The following FAM227B variants were observed in gnomAD, a reference collection of about 807,000 sequenced individuals.
FAM227B encodes the protein protein FAM227B.
FAM227B carries 88 observed loss-of-function variants against 73.8 expected under a neutral mutation model. That is an observed-to-expected ratio of 1.19 (90% CI 1.00 to 1.42). FAM227B has a LOEUF of 1.42. FAM227B is among the 40% of genes most tolerant of loss of function. FAM227B has a pLI of 0.00. For missense variants in FAM227B, 632 were observed against 590.9 expected (o/e 1.07, Z -0.72); for synonymous variants, 210 against 190.5 (o/e 1.10, Z -0.84).
intron 2 of FAM227B, 69 bp from the exon 3 acceptor site, chr15:49,611,337 ATTTAC>A: frequency 1.3e-6 from 1 of 775,990 alleles, no homozygotes; most frequent in Non-Finnish European, 2.1e-6. Context: ...TTTACAAATA[ATTTAC>A]TTAAATAAAA....
intron 11 of FAM227B, among the ~76,000 whole-genome samples, chr15:49,394,022 C>T (rs954801006): frequency 1.3e-5 from 2 of 152,016 alleles, no homozygotes; most frequent in Non-Finnish European, 2.9e-5. Flanking sequence ...AAAATGCATC[C>T]CTTTTTTGGA....
intron 11 of FAM227B, among the ~76,000 whole-genome samples, chr15:49,414,754 G>T (rs1308562653): frequency 6.6e-6 from 1 of 152,028 alleles, no homozygotes; most frequent in South Asian, 2.1e-4. Flanking sequence ...AGGTGTAGAA[G>T]AAGTTGTGGT....
At chr15:49,400,320 A>C in intron 11 of FAM227B, among the ~76,000 whole-genome samples, 5 of 105,602 alleles carry the variant, frequency 4.7e-5, no homozygotes, top group African/African-American at 2.0e-4. Context: ...TTCAAGGAGA[A>C]CTACAAACCA....
At chr15:49,449,364 GTA>G (rs1491519630) in intron 11 of FAM227B, among the ~76,000 whole-genome samples, 12 of 151,922 alleles carry the variant, frequency 7.9e-5, no homozygotes. Flanking sequence ...AGTGATTTTA[GTA>G]TATAAAGACA....
chr15:49,590,670 G>C (rs888237332), intron 3 of FAM227B, among the ~76,000 whole-genome samples: 27 of 152,024 alleles, frequency 1.8e-4, no homozygotes. Context: ...ACCTCACAGA[G>C]TTTATGTGTT....
intron 11 of FAM227B, among the ~76,000 whole-genome samples, chr15:49,397,165 G>A (rs2047739367): frequency 6.6e-6 from 1 of 152,160 alleles, no homozygotes; most frequent in Non-Finnish European, 1.5e-5. Flanking sequence ...AGCTGATGGA[G>A]CTGAACACCA....
chr15:49,470,561 T>G (rs1233294599), intron 11 of FAM227B, among the ~76,000 whole-genome samples: 1 of 152,196 alleles, frequency 6.6e-6, no homozygotes, highest in Non-Finnish European at 1.5e-5. Flanking sequence ...CCCCTTAACT[T>G]TTATGATACC....
intron 13 of FAM227B, among the ~76,000 whole-genome samples, chr15:49,362,765 A>G (rs1290576960): frequency 1.3e-5 from 2 of 151,922 alleles, no homozygotes; most frequent in East Asian, 1.9e-4. Context: ...TAGGTCTTAC[A>G]CTTAAGTCTT....
chr15:49,346,297 C>T (rs778025052), intron 13 of FAM227B, among the ~76,000 whole-genome samples: 2 of 152,188 alleles, frequency 1.3e-5, no homozygotes, highest in Non-Finnish European at 2.9e-5. Context: ...ACTCTACCCT[C>T]AGGTTGTGCT....
chr15:49,545,625 T>C (rs1373468485), intron 9 of FAM227B, among the ~76,000 whole-genome samples: 1 of 152,186 alleles, frequency 6.6e-6, no homozygotes, highest in Non-Finnish European at 1.5e-5. Context: ...ATATAGACAT[T>C]TAATGCTATG....
intron 10 of FAM227B, among the ~76,000 whole-genome samples, chr15:49,518,857 A>C (rs2059576282): frequency 6.6e-6 from 1 of 152,186 alleles, no homozygotes; most frequent in African/African-American, 2.4e-5. Context: ...CCCTTGCAAC[A>C]GTCCCCCAAA....
intron 1 of FAM227B, among the ~76,000 whole-genome samples, chr15:49,616,041 T>C (rs573500184): frequency 1.7e-4 from 26 of 152,314 alleles, no homozygotes; most frequent in African/African-American, 6.0e-4. Context: ...CTTAAATGTT[T>C]GGTGGACACT....
chr15:49,333,457 A>G (rs991472229), intron 14 of FAM227B, among the ~76,000 whole-genome samples: 1 of 152,202 alleles, frequency 6.6e-6, no homozygotes, highest in African/African-American at 2.4e-5. Context: ...ATTCTTCTGC[A>G]TATTCTCAGT....
At chr15:49,346,934 A>G (rs1257657722) in intron 13 of FAM227B, among the ~76,000 whole-genome samples, 1 of 152,186 alleles carries the variant, frequency 6.6e-6, no homozygotes, top group Non-Finnish European at 1.5e-5. Flanking sequence ...AAATATTTTA[A>G]TGTTAGATTT....
At chr15:49,430,210 G>A (rs1468093637) in intron 11 of FAM227B, among the ~76,000 whole-genome samples, 2 of 151,930 alleles carry the variant, frequency 1.3e-5, no homozygotes, top group Non-Finnish European at 2.9e-5. Context: ...TGGTGAATGA[G>A]TTAGCTGCAG....
At chr15:49,515,393 A>G (rs2059309415) in intron 10 of FAM227B, among the ~76,000 whole-genome samples, 1 of 152,144 alleles carries the variant, frequency 6.6e-6, no homozygotes, top group Non-Finnish European at 1.5e-5. Context: ...AGCCTTTCAC[A>G]TATTAATTAT....
At chr15:49,539,735 A>G (rs953262020) in intron 10 of FAM227B, among the ~76,000 whole-genome samples, 1 of 152,186 alleles carries the variant, frequency 6.6e-6, no homozygotes, top group African/African-American at 2.4e-5. Context: ...CTGTTGCTCT[A>G]GAGTCCACAA....
At chr15:49,426,709 T>C (rs763228591) in intron 11 of FAM227B, among the ~76,000 whole-genome samples, 4 of 151,746 alleles carry the variant, frequency 2.6e-5, no homozygotes, top group Non-Finnish European at 5.9e-5. Flanking sequence ...TAACACCAAT[T>C]CTATAGCACA....
At chr15:49,594,833 A>G (rs527490232) in intron 3 of FAM227B, among the ~76,000 whole-genome samples, 2 of 152,264 alleles carry the variant, frequency 1.3e-5, no homozygotes, top group East Asian at 1.9e-4. Context: ...ACAGCCTTAT[A>G]GTGTAGTTTG....
Sources: allele counts gnomAD v4.1 joint callset (sites outside exome capture counted in the v4.1 genomes callset), GRCh38; gene constraint gnomAD v4.1.1; transcripts MANE v1.5; gene names NCBI Gene and HGNC (gene_info 2026-07-23, HGNC 2026-07-21).